The following PCDH15 variants were observed in gnomAD, a reference collection of about 807,000 sequenced individuals.
PCDH15 encodes the protein protocadherin related 15, also known as protocadherin-15.
A neutral mutation model predicts 178.5 loss-of-function variants in PCDH15; 129 were observed. The ratio of observed to expected loss-of-function variants is 0.72; its 90% CI spans 0.63 to 0.84. PCDH15 has a LOEUF of 0.84. PCDH15 is among the 40% of genes least tolerant of loss of function. PCDH15 has a pLI of 0.00. For synonymous variants in PCDH15, 800 were observed against 732.0 expected (o/e 1.09, Z -1.50); for missense variants, 2,230 against 2,099.9 (o/e 1.06, Z -1.21).
chr10:54,313,838 T>C (rs1440509183), intron 8 of PCDH15, among the ~76,000 whole-genome samples: 6 of 152,070 alleles, frequency 3.9e-5, no homozygotes, highest in Non-Finnish European at 2.9e-5. Context: ...AGATGCTCAG[T>C]CTGTAATCTG....
chr10:55,161,601 T>A (rs1032889381), intron 2 of PCDH15, among the ~76,000 whole-genome samples: 1 of 152,164 alleles, frequency 6.6e-6, no homozygotes. Context: ...AAACTGTTAT[T>A]AGGAAGGTTA....
At chr10:53,899,485 C>T (rs2082182673) in intron 26 of PCDH15, among the ~76,000 whole-genome samples, 2 of 152,204 alleles carry the variant, frequency 1.3e-5, no homozygotes, top group South Asian at 4.1e-4. Context: ...TCTTATCTTA[C>T]TTTGTCAATC....
Position 54,309,263 on chromosome 10 carries a change from T to C in PCDH15, c.876+8008A>G, listed in dbSNP as rs983972700. ...AGACTGTATAAAATAAATAATATAT[T>C]TGGATAATCTACAATTACAATAAGT... On this transcript the variant is annotated intron_variant, in intron 8 of 37. Coordinates refer to ENST00000644397, the MANE Select transcript of PCDH15 (RefSeq NM_001384140.1). Among the ~76,000 whole-genome samples, 8 of 151,084 alleles carry C rather than the reference T, an allele frequency of 5.3e-5. No homozygotes were observed. In the South Asian group the frequency reaches 1.7e-3, roughly 32 times the overall value.
At position 54,848,058 on chromosome 10, in the gene PCDH15, G is replaced by C. The variant is rs557337949; in HGVS notation, c.-29+49392C>G. ...GACTGAATCATGAGGGATCTGCCTA[G>C]TGACTTCATGGGTTAATGGATTAAA... On this transcript the variant is annotated intron_variant, in intron 3 of 5. Transcript: ENST00000458638. 1.4e-3 allele frequency among the ~76,000 whole-genome samples: 208 copies of C among 152,248 alleles called. 2 individuals carry two copies. Among genetic ancestry groups the C allele is most frequent in the Non-Finnish European group, 2.5e-3 (171 of 68,016 alleles).
chr10:54,289,480 G>C (rs1386492680), intron 8 of PCDH15, among the ~76,000 whole-genome samples: 1 of 152,174 alleles, frequency 6.6e-6, no homozygotes, highest in East Asian at 1.9e-4. Flanking sequence ...AAACCAGAGT[G>C]CCTCTTCTCC....
chr10:55,531,111 T>G (rs1362877264), intron 2 of PCDH15, among the ~76,000 whole-genome samples: 1 of 152,026 alleles, frequency 6.6e-6, no homozygotes, highest in East Asian at 1.9e-4. Context: ...TGTCTACTAG[T>G]TACTAACTGG....
chr10:54,365,136 C>T (rs945022676), intron 5 of PCDH15, among the ~76,000 whole-genome samples: 2 of 152,054 alleles, frequency 1.3e-5, no homozygotes, highest in African/African-American at 4.8e-5. Flanking sequence ...TATTAACTTC[C>T]ATAACCTTAA....
chr10:55,421,451 T>C (rs1469426801), intron 2 of PCDH15, among the ~76,000 whole-genome samples: 2 of 149,560 alleles, frequency 1.3e-5, no homozygotes, highest in South Asian at 2.1e-4. Flanking sequence ...ATATTACATA[T>C]GATTTTCATA....
chr10:54,034,148 G>C (rs1319565300), intron 18 of PCDH15, among the ~76,000 whole-genome samples: 1 of 151,890 alleles, frequency 6.6e-6, no homozygotes, highest in East Asian at 1.9e-4. Flanking sequence ...AGTAAAACAA[G>C]AGCAATAAAA....
At chr10:54,224,942 T>C (rs1268177371) in intron 9 of PCDH15, among the ~76,000 whole-genome samples, 1 of 152,154 alleles carries the variant, frequency 6.6e-6, no homozygotes, top group Non-Finnish European at 1.5e-5. Flanking sequence ...CGAACTTCAT[T>C]TTCTTATCGA....
chr10:54,383,215 C>T (rs986815661), intron 3 of PCDH15, among the ~76,000 whole-genome samples: 20 of 150,468 alleles, frequency 1.3e-4, no homozygotes, highest in Admixed American at 1.1e-3. Context: ...AAGAGAAGCA[C>T]AGAACATACT....
At position 55,028,987 on chromosome 10, in the gene PCDH15, TG is replaced by T. The variant is rs201792852; in HGVS notation, c.-79-131488del. The stretch of plus-strand genomic sequence containing the variant: ...TTTAAAATTGCATTCAAATTTTTTT[TG>T]AGTCTTTCCATAAACTTGGGAAACA... On this transcript the variant is annotated intron_variant, in intron 2 of 5. Transcript: ENST00000458638. Among the ~76,000 whole-genome samples, 788 of 150,308 alleles carry T rather than the reference TG, an allele frequency of 5.2e-3. 4 individuals carry two copies. The highest frequency in any genetic ancestry group is 0.018 in the African/African-American group (758 of 41,054).
chr10:54,542,903 A>C (rs1048614321), intron 2 of PCDH15, among the ~76,000 whole-genome samples: 24 of 152,332 alleles, frequency 1.6e-4, no homozygotes, highest in Admixed American at 1.6e-3. Context: ...TAAAAAGCCA[A>C]GACCCTAGCA....
intron 2 of PCDH15, among the ~76,000 whole-genome samples, chr10:55,438,324 C>A (rs537532883): frequency 6.6e-6 from 1 of 151,846 alleles, no homozygotes; most frequent in African/African-American, 2.4e-5. Flanking sequence ...ATATCTTTTC[C>A]CCTGGATTAT....
rs148385403 is a variant in PCDH15, at chr10:54,015,587, A to G, written c.2751+4605T>C. The stretch of plus-strand genomic sequence containing the variant: ...AATGGAACAGAATAGAGATCCCAGA[A>G]ATAATGCTGCATACTTATAAGCATC... On this transcript the variant is annotated intron_variant, in intron 20 of 37. Coordinates refer to ENST00000644397, the MANE Select transcript of PCDH15 (RefSeq NM_001384140.1). Among the ~76,000 whole-genome samples, 1,001 of 152,296 alleles carry G rather than the reference A, an allele frequency of 6.6e-3. 6 individuals are homozygous for G. Among genetic ancestry groups the G allele is most frequent in the African/African-American group, 0.012 (491 of 41,566 alleles).
chr10:54,976,452 AT>A (rs886815722), intron 2 of PCDH15, among the ~76,000 whole-genome samples: 3 of 152,102 alleles, frequency 2.0e-5, no homozygotes, highest in African/African-American at 7.2e-5. Flanking sequence ...GCATAGCCTA[AT>A]TGTCAGGAGA....
At chr10:54,082,703 T>C (rs967475794) in intron 16 of PCDH15, among the ~76,000 whole-genome samples, 1 of 151,514 alleles carries the variant, frequency 6.6e-6, no homozygotes, top group Non-Finnish European at 1.5e-5. Context: ...TTCTTAGATA[T>C]GACACCAGAT....
chr10:55,460,648 T>A (rs1447947473), intron 2 of PCDH15, among the ~76,000 whole-genome samples: 2 of 152,114 alleles, frequency 1.3e-5, no homozygotes, highest in East Asian at 3.9e-4. Flanking sequence ...AATATATTTA[T>A]CTTCCAATTC....
chr10:54,397,738 G>A (rs1951426840), intron 3 of PCDH15, among the ~76,000 whole-genome samples: 1 of 151,840 alleles, frequency 6.6e-6, no homozygotes, highest in Admixed American at 6.6e-5. Flanking sequence ...GTTTTTTCTA[G>A]ATGCACTAGA....
Sources: gnomAD v4.1 joint callset for allele counts (sites outside exome capture counted in the v4.1 genomes callset) on GRCh38, gnomAD v4.1.1 for gene constraint, MANE v1.5 for transcripts, NCBI Gene and HGNC (gene_info 2026-07-23, HGNC 2026-07-21) for gene names.